The following CNOT1 variants were observed in gnomAD, a reference collection of about 807,000 sequenced individuals.
CNOT1 encodes CCR4-associated factor 1.
CNOT1 carries 15 observed loss-of-function variants against 273.8 expected under a neutral mutation model. The ratio of observed to expected loss-of-function variants is 0.05; its 90% CI spans 0.04 to 0.08. The LOEUF (loss-of-function observed/expected upper bound fraction) is 0.08, where lower values mean the gene tolerates loss of function less well. CNOT1 is among the 10% of genes least tolerant of loss of function. CNOT1 has a pLI of 1.00. For synonymous variants in CNOT1, 1,022 were observed against 1,005.5 expected, an observed-to-expected ratio of 1.02 and a Z score of -0.31; for missense variants, 1,644 against 2,912.2, an observed-to-expected ratio of 0.56 and a Z score of 10.02.
chr16:58,604,684 C>CTTGGGAT (rs1461322010), intron 1 of CNOT1, among the ~76,000 whole-genome samples: 4 of 150,262 alleles, frequency 2.7e-5, no homozygotes, highest in East Asian at 3.9e-4. Context: ...GTAATCCCAG[C>CTTGGGAT]TACTTGGGAG....
intron 2 of CNOT1, 128 bp downstream of exon 2, chr16:58,599,108 G>A: frequency 1.0e-6 from 1 of 964,774 alleles, no homozygotes; most frequent in Non-Finnish European, 1.5e-6. Flanking sequence ...GATGATGACA[G>A]AAATCACTTG....
chr16:58,520,250 A>AG lies in CNOT1; in HGVS notation c.*707dup, dbSNP rs1611069. 96,493 of 151,096 alleles carry AG rather than the reference A, an allele frequency of 0.64. 31,756 individuals carry two copies. Among genetic ancestry groups the AG allele is most frequent in the East Asian group, 0.95 (4,917 of 5,150 alleles). 9.4% of individuals were successfully genotyped at this position (151,096 alleles called of 1,614,324 possible). ...AGGAGAGGATTGGGGGGGTGAGGGT[A>AG]GGGGTGGGCTTTAGGCCTGGTCTGG... On this transcript the variant is annotated 3_prime_UTR_variant, in exon 49 of 49. Transcript: ENST00000317147.
intron 21 of CNOT1, among the ~76,000 whole-genome samples, chr16:58,554,074 T>C (rs2040543825): frequency 6.6e-6 from 1 of 152,222 alleles, no homozygotes; most frequent in African/African-American, 2.4e-5. Flanking sequence ...CTACCTCTGA[T>C]TTTTAAAGGC....
At chr16:58,524,391 C>A (rs1241854579) in intron 46 of CNOT1, among the ~76,000 whole-genome samples, 1 of 151,852 alleles carries the variant, frequency 6.6e-6, no homozygotes, top group Non-Finnish European at 1.5e-5. Flanking sequence ...TTGTTTGCCT[C>A]TGCTTGACAT....
chr16:58,574,099 A>AAAGAAG (rs568803564), intron 16 of CNOT1, among the ~76,000 whole-genome samples: 1 of 152,060 alleles, frequency 6.6e-6, no homozygotes, highest in South Asian at 2.1e-4. Context: ...AAAAGAAAAA[A>AAAGAAG]AAGAAGAAGA....
chr16:58,556,240 A>G (rs946158489), intron 19 of CNOT1, among the ~76,000 whole-genome samples: 1 of 152,248 alleles, frequency 6.6e-6, no homozygotes, highest in East Asian at 1.9e-4. Flanking sequence ...TAAAAATCAC[A>G]TTTAACATAT....
At chr16:58,524,511 T>C (rs376186975) in intron 46 of CNOT1, among the ~76,000 whole-genome samples, 1 of 152,112 alleles carries the variant, frequency 6.6e-6, no homozygotes, top group East Asian at 1.9e-4. Flanking sequence ...ATCTTGAATT[T>C]AAGCTGTCTT....
chr16:58,603,553 A>G (rs770434792), intron 1 of CNOT1, among the ~76,000 whole-genome samples: 9 of 151,888 alleles, frequency 5.9e-5, no homozygotes, highest in Middle Eastern at 3.2e-3. Context: ...CAATAAACAA[A>G]CAATGGTTAG....
At chr16:58,551,015 T>G in intron 24 of CNOT1, 117 bp downstream of exon 24, 2 of 1,514,724 alleles carry the variant, frequency 1.3e-6, no homozygotes, top group African/African-American at 2.9e-5. Context: ...AATATACATA[T>G]TCCCTTTGAG....
In CNOT1 at chr16:58,614,733, G is replaced by A. The variant is rs150429653; in HGVS notation, c.-175+14995C>T. On this transcript the variant is annotated intron_variant, in intron 1 of 48. Transcript: ENST00000317147. Reference sequence around the variant, plus strand: ...TTATTGTATTTTATTTTTTTGAGACGGGGTCTCACTCTGTCGCCCAGGATG... The same window carrying A: ...TTATTGTATTTTATTTTTTTGAGACAGGGTCTCACTCTGTCGCCCAGGATG... 3.0e-3 allele frequency among the ~76,000 whole-genome samples: 372 copies of A among 124,330 alleles called. 66 individuals carry two copies. Among genetic ancestry groups the A allele is most frequent in the African/African-American group, 9.8e-3 (361 of 36,996 alleles). 81.6% of individuals were successfully genotyped at this position (124,330 alleles called of 152,430 possible).
intron 23 of CNOT1, 69 bp from the exon 24 acceptor site, chr16:58,551,341 G>A: frequency 2.8e-6 from 4 of 1,446,284 alleles, no homozygotes; most frequent in South Asian, 1.4e-5. Flanking sequence ...ATCCAATAAT[G>A]TATACAGATT....
At chr16:58,595,320 A>G (rs1454558691) in intron 2 of CNOT1, among the ~76,000 whole-genome samples, 1 of 150,310 alleles carries the variant, frequency 6.7e-6, no homozygotes, top group African/African-American at 2.4e-5. Flanking sequence ...CCGCACCACT[A>G]TTACTGTCAC....
In CNOT1 at chr16:58,530,782, C is replaced by CA. The variant is rs11289232; in HGVS notation, c.6178-436dup. On this transcript the variant is annotated intron_variant, in intron 42 of 48. Transcript: ENST00000317147. Reference sequence around the variant, plus strand: ...CTGGACAACAAGAGCAAAACTCCATCAAAAAAAAAAAAAGAAAAGAAAAGA... The same window carrying CA: ...CTGGACAACAAGAGCAAAACTCCATCAAAAAAAAAAAAAAGAAAAGAAAAGA... 8.5e-3 allele frequency: 1,090 copies of CA among 127,534 alleles called. 11 individuals carry two copies. The highest frequency in any genetic ancestry group is 0.015 in the South Asian group (61 of 4,052). 7.9% of individuals were successfully genotyped at this position (127,534 alleles called of 1,614,324 possible).
At chr16:58,596,118 T>A (rs2042241003) in intron 2 of CNOT1, among the ~76,000 whole-genome samples, 1 of 152,190 alleles carries the variant, frequency 6.6e-6, no homozygotes, top group Admixed American at 6.6e-5. Context: ...AGCACCTGTG[T>A]GCAAGGCAGT....
At chr16:58,596,905 A>C (rs946697488) in intron 2 of CNOT1, among the ~76,000 whole-genome samples, 8 of 150,290 alleles carry the variant, frequency 5.3e-5, no homozygotes, top group African/African-American at 1.5e-4. Context: ...AAAAAAAAAA[A>C]AAAAAAAAAA....
At chr16:58,611,155 G>A (rs1048784809) in intron 1 of CNOT1, among the ~76,000 whole-genome samples, 13 of 152,140 alleles carry the variant, frequency 8.5e-5, no homozygotes, top group African/African-American at 2.9e-4. Context: ...CAGGCTGAGT[G>A]CGGTGGCTCA....
intron 24 of CNOT1, 90 bp from the exon 25 acceptor site, chr16:58,549,988 C>T (rs2040398834): frequency 5.2e-6 from 8 of 1,551,348 alleles, no homozygotes; most frequent in Non-Finnish European, 6.9e-6. Context: ...CAGCACATGG[C>T]TCCTTGCAAA....
intron 1 of CNOT1, among the ~76,000 whole-genome samples, chr16:58,604,510 G>A (rs557370657): frequency 4.5e-4 from 68 of 152,000 alleles, no homozygotes; most frequent in African/African-American, 1.5e-3. Context: ...GGCTGGGCGC[G>A]GTGGCTCATG....
At chr16:58,528,184 G>A in intron 44 of CNOT1, 1 of 529,656 alleles carries the variant, frequency 1.9e-6, no homozygotes, top group Non-Finnish European at 3.5e-6. Context: ...CCCAGCAAAT[G>A]ACTGCCCCAA....
Sources: allele counts gnomAD v4.1 joint callset (sites outside exome capture counted in the v4.1 genomes callset), GRCh38; gene constraint gnomAD v4.1.1; transcripts MANE v1.5; gene names NCBI Gene and HGNC (gene_info 2026-07-23, HGNC 2026-07-21).